Variants in ZDHHC14 observed in about 807,000 individuals in gnomAD.
The protein encoded by ZDHHC14 is palmitoyltransferase ZDHHC14.
Under a neutral mutation model 47.7 loss-of-function variants are expected in ZDHHC14, and 16 were observed. That is an observed-to-expected ratio of 0.34 (90% confidence interval 0.23 to 0.51). ZDHHC14 has a LOEUF of 0.51. ZDHHC14 is among the 20% of genes least tolerant of loss of function. The pLI is 0.97. For missense variants in ZDHHC14, 515 were observed against 662.5 expected (o/e 0.78, Z 2.44); for synonymous variants, 293 against 278.9 (o/e 1.05, Z -0.50).
At chr6:157,452,690 ATTTTTTTTTTTTTTTT>A (rs747862336) in intron 1 of ZDHHC14, among the ~76,000 whole-genome samples, 1 of 72,962 alleles carries the variant, frequency 1.4e-5, no homozygotes, top group East Asian at 5.1e-4. Flanking sequence ...ATACATGGGG[ATTTTTTTTTTTTTTTT>A]TTTTTTTTTT....
chr6:157,398,943 G>T (rs1357119016), intron 1 of ZDHHC14, among the ~76,000 whole-genome samples: 1 of 152,164 alleles, frequency 6.6e-6, no homozygotes, highest in Non-Finnish European at 1.5e-5. Flanking sequence ...GGTTAATTCA[G>T]TCTCCAAAGA....
At chr6:157,416,972 G>GTTTTTTTTTTTTTTTT (rs71027335) in intron 1 of ZDHHC14, among the ~76,000 whole-genome samples, 17 of 45,558 alleles carry the variant, frequency 3.7e-4, no homozygotes, top group South Asian at 1.5e-3. Flanking sequence ...TGCCTGGCTA[G>GTTTTTTTTTTTTTTTT]TTTTTTTTTT....
chr6:157,530,994 G>T (rs4709359), intron 1 of ZDHHC14, among the ~76,000 whole-genome samples: 83,544 of 151,904 alleles, frequency 0.55, 23,206 homozygotes, highest in African/African-American at 0.63. Flanking sequence ...AAAGAAGGTG[G>T]CCCTTTTTCT....
chr6:157,562,058 A>G (rs1313576579), intron 2 of ZDHHC14, among the ~76,000 whole-genome samples: 1 of 152,188 alleles, frequency 6.6e-6, no homozygotes, highest in East Asian at 1.9e-4. Flanking sequence ...CAGTTCCTCA[A>G]CTCACACAGC....
At chr6:157,616,979 A>G (rs1784992579) in intron 3 of ZDHHC14, among the ~76,000 whole-genome samples, 1 of 152,178 alleles carries the variant, frequency 6.6e-6, no homozygotes, top group African/African-American at 2.4e-5. Context: ...GGAATGCCCT[A>G]GGGGTCTTCT....
At chr6:157,406,408 A>C (rs138976824) in intron 1 of ZDHHC14, among the ~76,000 whole-genome samples, 1 of 152,230 alleles carries the variant, frequency 6.6e-6, no homozygotes. Flanking sequence ...AGGACATTGA[A>C]TCGTACCTTT....
At chr6:157,576,588 G>A (rs1368797638) in intron 2 of ZDHHC14, among the ~76,000 whole-genome samples, 1 of 152,218 alleles carries the variant, frequency 6.6e-6, no homozygotes, top group African/African-American at 2.4e-5. Context: ...GAAAATTTAA[G>A]ATGTGTTAGA....
At position 157,628,725 on chromosome 6, in the gene ZDHHC14, C is replaced by T. The variant is rs1421138217; in HGVS notation, c.703+239C>T. The T allele has an allele frequency of 9.9e-6, 5 of 506,488 alleles. No individual in the cohort carries two copies. In the Admixed American group the frequency reaches 1.5e-4, roughly 15 times the overall value. The allele number at this position is 506,488 out of a possible 1,614,324, so 31.4% of individuals were successfully genotyped here. ...CTTTCACAGCACTTTCCAGGGGTCGCACCTAGGCCAGGCTGCGCTTTCACC... is the reference window on the plus strand; with the variant it reads ...CTTTCACAGCACTTTCCAGGGGTCGTACCTAGGCCAGGCTGCGCTTTCACC... On this transcript the variant is annotated intron_variant, in intron 4 of 8. Coordinates refer to ENST00000359775, the MANE Select transcript of ZDHHC14 (RefSeq NM_024630.3).
At chr6:157,557,992 A>G (rs1356817060) in intron 2 of ZDHHC14, among the ~76,000 whole-genome samples, 1 of 152,254 alleles carries the variant, frequency 6.6e-6, no homozygotes, top group Non-Finnish European at 1.5e-5. Context: ...TAAATTTTCC[A>G]GCAGCCACTG....
intron 3 of ZDHHC14, among the ~76,000 whole-genome samples, chr6:157,595,404 G>A (rs1784087569): frequency 6.6e-6 from 1 of 151,876 alleles, no homozygotes; most frequent in Non-Finnish European, 1.5e-5. Context: ...ATGTTGGCCA[G>A]GCTGGTCTTG....
rs905841847 is a variant in ZDHHC14 at position 157,592,749 on chromosome 6, T to G, written c.407-239T>G. On this transcript the variant is annotated intron_variant, in intron 2 of 8. Coordinates refer to ENST00000359775, the MANE Select transcript of ZDHHC14 (RefSeq NM_024630.3). ...GAGGGCCTGGCTGGGTGGGGCCATGTGTGCTGTGCTCCATTGGCCAGAGCT... is the reference window on the plus strand; with the variant it reads ...GAGGGCCTGGCTGGGTGGGGCCATGGGTGCTGTGCTCCATTGGCCAGAGCT... The G allele has an allele frequency of 3.9e-6, 5 of 1,278,718 alleles. No individual in the cohort carries two copies. In the African/African-American group the frequency reaches 7.7e-5, roughly 20 times the overall value. 79.2% of individuals were successfully genotyped at this position (1,278,718 alleles called of 1,614,324 possible). A position where few individuals can be genotyped will look rare whatever the true frequency, so the allele number is the denominator to read the frequency against.
intron 1 of ZDHHC14, among the ~76,000 whole-genome samples, chr6:157,396,719 C>T (rs1388685061): frequency 1.3e-5 from 2 of 152,166 alleles, no homozygotes; most frequent in African/African-American, 4.8e-5. Context: ...ACAGATATTT[C>T]AAGAGGTATG....
At chr6:157,429,837 G>C (rs1778300965) in intron 1 of ZDHHC14, among the ~76,000 whole-genome samples, 2 of 152,116 alleles carry the variant, frequency 1.3e-5, no homozygotes, top group South Asian at 4.2e-4. Flanking sequence ...TCTCCCATAT[G>C]ATGGCAAGAG....
intron 5 of ZDHHC14, among the ~76,000 whole-genome samples, chr6:157,636,461 C>A (rs1164788705): frequency 6.6e-6 from 1 of 152,086 alleles, no homozygotes; most frequent in Non-Finnish European, 1.5e-5. Flanking sequence ...ACCCCGAAGG[C>A]CCTTGCTGGC....
chr6:157,549,622 G>A (rs772416817), intron 2 of ZDHHC14, among the ~76,000 whole-genome samples: 12 of 152,282 alleles, frequency 7.9e-5, no homozygotes, highest in South Asian at 2.1e-4. Context: ...GTGGCAGCTC[G>A]GGATGTCGAG....
At chr6:157,651,014 C>T (rs932010115) in intron 7 of ZDHHC14, among the ~76,000 whole-genome samples, 6 of 152,188 alleles carry the variant, frequency 3.9e-5, no homozygotes, top group African/African-American at 1.4e-4. Flanking sequence ...ACTGCAGCCC[C>T]AGGTGGGCCC....
intron 8 of ZDHHC14, among the ~76,000 whole-genome samples, chr6:157,670,147 C>T (rs569585833): frequency 1.2e-4 from 19 of 152,340 alleles, no homozygotes; most frequent in Admixed American, 1.2e-3. Context: ...GACCTGCACC[C>T]TGAGCTGAAA....
intron 1 of ZDHHC14, among the ~76,000 whole-genome samples, chr6:157,513,575 T>C (rs1362592287): frequency 6.6e-6 from 1 of 152,182 alleles, no homozygotes; most frequent in Non-Finnish European, 1.5e-5. Context: ...TGCTGTTCGG[T>C]ATTTAGGATT....
chr6:157,599,940 T>C (rs1047123608), intron 3 of ZDHHC14, among the ~76,000 whole-genome samples: 3 of 152,226 alleles, frequency 2.0e-5, no homozygotes, highest in Admixed American at 2.0e-4. Flanking sequence ...GCCAATTGAT[T>C]TGAAAAATCT....
Sources: allele counts gnomAD v4.1 joint callset (sites outside exome capture counted in the v4.1 genomes callset), GRCh38; gene constraint gnomAD v4.1.1; transcripts MANE v1.5; gene names NCBI Gene and HGNC (gene_info 2026-07-23, HGNC 2026-07-21).